The following AUTS2 variants were observed in gnomAD, a reference collection of about 807,000 sequenced individuals.
AUTS2 encodes autism susceptibility gene 2 protein.
AUTS2 carries 17 observed loss-of-function variants against 112.4 expected under a neutral mutation model. The observed-to-expected ratio is 0.15, with a 90% CI of 0.10 to 0.23. The LOEUF is 0.23. AUTS2 is among the 10% of genes least tolerant of loss of function. The pLI, the probability that AUTS2 is intolerant of heterozygous loss-of-function variation, is 1.00. For missense variants in AUTS2, 1,510 were observed against 1,701.6 expected (o/e 0.89, Z 1.98); for synonymous variants, 751 against 702.7 (o/e 1.07, Z -1.09).
intron 5 of AUTS2, among the ~76,000 whole-genome samples, chr7:70,472,964 C>T (rs3094901): frequency 0.56 from 85,650 of 152,064 alleles, 25,287 homozygotes; most frequent in African/African-American, 0.74. Flanking sequence ...ACTTCGTTGG[C>T]TACAAGATGT....
At chr7:69,965,214 T>C (rs1245363576) in intron 2 of AUTS2, among the ~76,000 whole-genome samples, 1 of 152,088 alleles carries the variant, frequency 6.6e-6, no homozygotes, top group East Asian at 1.9e-4. Flanking sequence ...ACGGCTATAA[T>C]GATAGGAAAC....
intron 2 of AUTS2, among the ~76,000 whole-genome samples, chr7:69,971,842 C>T (rs1797862154): frequency 6.6e-6 from 1 of 152,124 alleles, no homozygotes; most frequent in Non-Finnish European, 1.5e-5. Context: ...AATCATTCTT[C>T]TGTTGATGGA....
rs200373158 is a variant in AUTS2, at chr7:69,670,555, C to CAAAAAAAAAA, written c.309+70620_309+70629dup. Among the ~76,000 whole-genome samples, 25 of 119,042 alleles carry CAAAAAAAAAA rather than the reference C, an allele frequency of 2.1e-4. 3 individuals are homozygous for CAAAAAAAAAA. Among genetic ancestry groups the CAAAAAAAAAA allele is most frequent in the African/African-American group, 8.3e-4 (25 of 30,002 alleles). The allele number at this position is 119,042 out of a possible 152,430, so 78.1% of individuals were successfully genotyped here. ...CATGGTTGTTTTTTACTTGATCCCT[C>CAAAAAAAAAA]AAAAAAAAAAAAAAAAAAAAAAAAA... On this transcript the variant is annotated intron_variant, in intron 1 of 18. Transcript: ENST00000342771.
intron 1 of AUTS2, among the ~76,000 whole-genome samples, chr7:69,734,532 A>ATTTCATAGGT: frequency 6.6e-6 from 1 of 151,740 alleles, no homozygotes; most frequent in African/African-American, 2.4e-5. Context: ...AACCTATTGG[A>ATTTCATAGGT]TTCATACTAT....
intron 4 of AUTS2, among the ~76,000 whole-genome samples, chr7:70,279,361 C>A (rs1328930347): frequency 2.0e-5 from 3 of 152,132 alleles, no homozygotes; most frequent in Non-Finnish European, 4.4e-5. Context: ...TACTGGACTC[C>A]CTGCAGAAAT....
chr7:69,876,897 ATC>A lies in AUTS2; in HGVS notation c.310-22385_310-22384del, dbSNP rs557296769. Among the ~76,000 whole-genome samples, 429 of 152,116 alleles carry A rather than the reference ATC, an allele frequency of 2.8e-3. 1 individual carries two copies. The highest frequency in any genetic ancestry group is 5.2e-3 in the Non-Finnish European group (356 of 67,996). ...TACAGTATCCTATTCAGATAGGCAA[ATC>A]TCTGATGTTTTGTTGAGTGAAGTCT... is the stretch of plus-strand genomic sequence containing the variant. On this transcript the variant is annotated intron_variant, in intron 1 of 18. Transcript: ENST00000342771.
intron 6 of AUTS2, among the ~76,000 whole-genome samples, chr7:70,742,982 CTTGAATCCAGTTAAT>C (rs1788206714): frequency 6.6e-6 from 1 of 152,164 alleles, no homozygotes; most frequent in African/African-American, 2.4e-5. Context: ...AAAGCCAGAA[CTTGAATCCAGTTAAT>C]TTTGAAACTA....
At chr7:70,133,757 C>T (rs1306129538) in intron 3 of AUTS2, among the ~76,000 whole-genome samples, 1 of 152,094 alleles carries the variant, frequency 6.6e-6, no homozygotes, top group African/African-American at 2.4e-5. Flanking sequence ...AAACAAAAAT[C>T]AGAATCTCAG....
chr7:70,346,938 C>T (rs1360738415), intron 4 of AUTS2, among the ~76,000 whole-genome samples: 2 of 152,172 alleles, frequency 1.3e-5, no homozygotes, highest in East Asian at 1.9e-4. Flanking sequence ...CTTCTGGCCA[C>T]GTGAACTACA....
intron 4 of AUTS2, among the ~76,000 whole-genome samples, chr7:70,176,792 T>C (rs185321134): frequency 9.2e-5 from 14 of 152,328 alleles, no homozygotes; most frequent in Admixed American, 2.0e-4. Flanking sequence ...ATGGGTTGTC[T>C]TGCACAGCCT....
chr7:70,062,513 A>AG (rs1348843793), intron 2 of AUTS2, among the ~76,000 whole-genome samples: 3 of 58,034 alleles, frequency 5.2e-5, no homozygotes, highest in Admixed American at 2.9e-4. Context: ...ACTCCGTCTC[A>AG]AAAAAAAAAA....
intron 2 of AUTS2, among the ~76,000 whole-genome samples, chr7:70,090,886 C>G (rs1288023698): frequency 6.6e-6 from 1 of 151,986 alleles, no homozygotes; most frequent in Non-Finnish European, 1.5e-5. Flanking sequence ...ACCATGTTGG[C>G]CAGGCTGGTC....
intron 5 of AUTS2, among the ~76,000 whole-genome samples, chr7:70,510,264 A>G (rs1799127888): frequency 6.6e-6 from 1 of 152,186 alleles, no homozygotes; most frequent in Admixed American, 6.5e-5. Flanking sequence ...GCCCTTCCCC[A>G]TATCTTAGGC....
chr7:70,291,246 A>G (rs764663089), intron 4 of AUTS2: 3 of 152,190 alleles, frequency 2.0e-5, no homozygotes, highest in African/African-American at 7.2e-5. Context: ...TTATGTGAAC[A>G]AATTGGAAAA....
intron 1 of AUTS2, among the ~76,000 whole-genome samples, chr7:69,729,663 T>C: frequency 6.6e-6 from 1 of 152,152 alleles, no homozygotes; most frequent in Non-Finnish European, 1.5e-5. Context: ...AAAGAACTTA[T>C]TTGTGCATAG....
chr7:69,857,809 T>C (rs1272213596), intron 1 of AUTS2, among the ~76,000 whole-genome samples: 2 of 149,234 alleles, frequency 1.3e-5, no homozygotes, highest in Admixed American at 6.7e-5. Context: ...AGAGTGAGAC[T>C]CCGTCTCAAA....
At chr7:70,208,227 A>T (rs572391287) in intron 4 of AUTS2, among the ~76,000 whole-genome samples, 1 of 152,312 alleles carries the variant, frequency 6.6e-6, no homozygotes, top group East Asian at 1.9e-4. Context: ...AGTCACACAC[A>T]TGGTGTATTC....
At chr7:70,255,242 T>A (rs1210534422) in intron 4 of AUTS2, among the ~76,000 whole-genome samples, 1 of 151,686 alleles carries the variant, frequency 6.6e-6, no homozygotes, top group African/African-American at 2.4e-5. Flanking sequence ...CCTGGCTAAT[T>A]TTTGTATTTT....
At chr7:69,694,735 T>C (rs1377261773) in intron 1 of AUTS2, among the ~76,000 whole-genome samples, 1 of 152,208 alleles carries the variant, frequency 6.6e-6, no homozygotes, top group Non-Finnish European at 1.5e-5. Context: ...GAAGTAATTA[T>C]AGTTGTAATG....
Sources: gnomAD v4.1 joint callset for allele counts (sites outside exome capture counted in the v4.1 genomes callset) on GRCh38, gnomAD v4.1.1 for gene constraint, MANE v1.5 for transcripts, NCBI Gene and HGNC (gene_info 2026-07-23, HGNC 2026-07-21) for gene names.